The following ITGA2 variants were observed in gnomAD, a reference collection of about 807,000 sequenced individuals.
The protein encoded by ITGA2 is integrin subunit alpha 2, also known as integrin alpha-2.
In ITGA2, 101 loss-of-function variants were observed where a neutral mutation model predicts 146.3. The ratio of observed to expected loss-of-function variants is 0.69; its 90% CI spans 0.59 to 0.81. The LOEUF is 0.81. ITGA2 is among the 40% of genes least tolerant of loss of function. The pLI is 0.00. For synonymous variants in ITGA2, 477 were observed against 487.1 expected (o/e 0.98, Z 0.27); for missense variants, 1,281 against 1,402.7 (o/e 0.91, Z 1.39).
At chr5:52,991,744 A>G (rs936446572) in intron 1 of ITGA2, among the ~76,000 whole-genome samples, 16 of 152,124 alleles carry the variant, frequency 1.1e-4, no homozygotes, top group Non-Finnish European at 1.5e-5. Flanking sequence ...CTTTCCAGAA[A>G]CCTTTTCACA....
rs1366460649 is a variant in ITGA2, at chr5:53,091,315, A to T, written c.*716A>T. ...TTTAAGTTAGGAGAGGGGGCGATAT[A>T]GAGAATAAGGCACAAAATTTTGTTT... On this transcript the variant is annotated 3_prime_UTR_variant, in exon 30 of 30. Transcript: ENST00000296585. 1 of 152,978 alleles carries T rather than the reference A, an allele frequency of 6.5e-6. No homozygotes were observed. Among genetic ancestry groups the T allele is most frequent in the African/African-American group, 2.4e-5 (1 of 41,410 alleles). 9.5% of individuals were successfully genotyped at this position (152,978 alleles called of 1,614,324 possible). A position where few individuals can be genotyped will look rare whatever the true frequency, so the allele number is the denominator to read the frequency against.
chr5:53,009,441 C>T (rs542178255), intron 1 of ITGA2, among the ~76,000 whole-genome samples: 241 of 152,152 alleles, frequency 1.6e-3, no homozygotes, highest in Middle Eastern at 6.8e-3. Flanking sequence ...CATTATACAG[C>T]GGCAGAATAT....
chr5:53,045,658 A>C (rs1561118396), intron 4 of ITGA2, among the ~76,000 whole-genome samples: 1 of 152,184 alleles, frequency 6.6e-6, no homozygotes, highest in Non-Finnish European at 1.5e-5. Flanking sequence ...TGTCAAGTGA[A>C]TTGAAAGTTA....
chr5:53,030,105 C>T (rs1366703704), intron 2 of ITGA2, among the ~76,000 whole-genome samples: 1 of 152,160 alleles, frequency 6.6e-6, no homozygotes, highest in Admixed American at 6.5e-5. Flanking sequence ...GGAAGTTGAA[C>T]AAGACGAAAA....
At chr5:53,017,975 C>T (rs370932255) in intron 1 of ITGA2, among the ~76,000 whole-genome samples, 2 of 152,178 alleles carry the variant, frequency 1.3e-5, no homozygotes, top group African/African-American at 4.8e-5. Context: ...GGCTGTTCTG[C>T]TGGAGCCCTC....
chr5:53,026,691 C>T lies in ITGA2; in HGVS notation c.65-57C>T, dbSNP rs140114279. The T allele has an allele frequency of 9.7e-4, 1,448 of 1,485,292 alleles. 10 individuals carry two copies. The highest frequency in any genetic ancestry group is 8.6e-3 in the African/African-American group (624 of 72,422). The allele number at this position is 1,485,292 out of a possible 1,614,324, so 92.0% of individuals were successfully genotyped here. On this transcript the variant is annotated intron_variant, in intron 1 of 29. Transcript: ENST00000296585. ...TTAAAAATGGCCTTTGAGAATTATA[C>T]GACACACTTATATTCATGAATTGTA...
Position 53,026,803 on chromosome 5 carries a change from T to G in ITGA2, c.120T>G (p.Phe40Leu). ...YNVGLPEAKI[F>L]SGPSSEQFGY... The stretch of plus-strand genomic sequence containing the variant: ...TTGGTCTCCCAGAAGCAAAAATATT[T>G]TCCGGTCCTTCAAGTGAACAGTTTG... The change falls in exon 2 of 30, where the codon TTT (phenylalanine) becomes TTG (leucine). Residue 40 changes from phenylalanine (F) to leucine (L), a missense_variant. Physicochemically the swap from Phe to Leu is conservative, Grantham distance 22 (BLOSUM62 0). This residue lies in a region of ITGA2 where 795 missense variants were observed against 841.7 expected (regional missense o/e 0.94). Transcript: ENST00000296585. The G allele has an allele frequency of 1.2e-6, 2 of 1,613,556 alleles. No homozygotes were observed. The highest frequency in any genetic ancestry group is 1.7e-6 in the Non-Finnish European group (2 of 1,179,502).
Position 53,012,758 on chromosome 5 carries a change from CA to C in ITGA2, c.65-13989del, listed in dbSNP as rs146509513. ...TCCCTTTTCTCTACAACCTCACCAG[CA>C]TGTTATTTTTTTACTTTTTATTAAT... On this transcript the variant is annotated intron_variant, in intron 1 of 29. Transcript: ENST00000296585. Among the ~76,000 whole-genome samples the C allele has an allele frequency of 8.7e-3, 1,329 of 152,224 alleles. 18 individuals carry two copies. The highest frequency in any genetic ancestry group is 0.03 in the African/African-American group (1,245 of 41,560).
At chr5:52,992,357 C>T (rs750468376) in intron 1 of ITGA2, among the ~76,000 whole-genome samples, 41 of 152,140 alleles carry the variant, frequency 2.7e-4, no homozygotes, top group Admixed American at 6.5e-5. Flanking sequence ...GTCCCTATCT[C>T]CAGCCAGCCT....
chr5:53,031,004 AG>A (rs1394989886), intron 2 of ITGA2, among the ~76,000 whole-genome samples: 1 of 152,226 alleles, frequency 6.6e-6, no homozygotes, highest in Non-Finnish European at 1.5e-5. Flanking sequence ...ACAGTGCTAG[AG>A]TGGGCCATGT....
intron 1 of ITGA2, among the ~76,000 whole-genome samples, chr5:53,017,019 T>C (rs1742428148): frequency 6.6e-6 from 1 of 152,196 alleles, no homozygotes. Context: ...TTGGATTGGG[T>C]TTTGACTTTT....
chr5:53,024,780 A>G (rs929185567), intron 1 of ITGA2, among the ~76,000 whole-genome samples: 2 of 152,236 alleles, frequency 1.3e-5, no homozygotes, highest in Admixed American at 1.3e-4. Context: ...TGGCTGGAAC[A>G]CAGGGAGGGA....
intron 7 of ITGA2, among the ~76,000 whole-genome samples, chr5:53,054,928 G>T (rs890360616): frequency 4.6e-5 from 7 of 151,390 alleles, no homozygotes; most frequent in African/African-American, 1.7e-4. Flanking sequence ...AAAAACCTAT[G>T]GAAATAAAAC....
intron 26 of ITGA2, among the ~76,000 whole-genome samples, chr5:53,082,464 C>T (rs927716453): frequency 1.3e-5 from 2 of 152,118 alleles, no homozygotes; most frequent in Non-Finnish European, 2.9e-5. Context: ...AAGTGGGCCA[C>T]GCTACCTTTT....
intron 27 of ITGA2, among the ~76,000 whole-genome samples, chr5:53,086,014 T>C (rs992498371): frequency 3.3e-5 from 5 of 152,150 alleles, no homozygotes; most frequent in African/African-American, 1.2e-4. Flanking sequence ...GTTCAAGTGA[T>C]TCTCCTGCCT....
intron 14 of ITGA2, 91 bp downstream of exon 14, chr5:53,065,206 G>A (rs1022827625): frequency 3.1e-5 from 39 of 1,263,688 alleles, no homozygotes; most frequent in Middle Eastern, 4.9e-4. Context: ...CAATCCGTCC[G>A]CCTTATTTTG....
chr5:53,065,528 G>A (rs1248891006), intron 14 of ITGA2, among the ~76,000 whole-genome samples: 1 of 151,804 alleles, frequency 6.6e-6, no homozygotes, highest in Non-Finnish European at 1.5e-5. Context: ...GAGTAAGACT[G>A]GAAGGAAAAG....
chr5:53,052,567 C>G (rs1744425459), intron 7 of ITGA2, among the ~76,000 whole-genome samples: 2 of 152,016 alleles, frequency 1.3e-5, no homozygotes, highest in African/African-American at 4.8e-5. Flanking sequence ...AAAAGCAACT[C>G]TATTCCCTCC....
chr5:53,013,752 C>T (rs1742268344), intron 1 of ITGA2, among the ~76,000 whole-genome samples: 1 of 152,012 alleles, frequency 6.6e-6, no homozygotes, highest in East Asian at 1.9e-4. Flanking sequence ...AAATGTTTTT[C>T]CATTTGTTTG....
Sources: allele counts gnomAD v4.1 joint callset (sites outside exome capture counted in the v4.1 genomes callset), GRCh38; gene constraint gnomAD v4.1.1; regional missense constraint gnomAD v4.1.1; transcripts MANE v1.5; gene names NCBI Gene and HGNC (gene_info 2026-07-23, HGNC 2026-07-21).